The following PHF24 variants were observed in gnomAD, a reference collection of about 807,000 sequenced individuals.
PHF24 encodes the protein PHD finger protein 24, also known as Galpha inhibitory interacting protein.
In PHF24, 25 loss-of-function variants were observed where a neutral mutation model predicts 42.6. That is an observed-to-expected ratio of 0.59 (90% confidence interval 0.43 to 0.82). PHF24 has a LOEUF of 0.82. Among genes scored for constraint, PHF24 ranks in the 40% least tolerant of loss-of-function variants. The probability of loss-of-function intolerance (pLI) is 0.00; values close to 1 mark genes in which losing one functional copy is unlikely to be tolerated. For missense variants in PHF24, 470 were observed against 538.1 expected, an observed-to-expected ratio of 0.87 and a Z score of 1.25; for synonymous variants, 185 against 204.8, an observed-to-expected ratio of 0.90 and a Z score of 0.83.
chr9:34,971,096 TTAAA>T lies in PHF24; in HGVS notation c.-4-182_-4-179del, dbSNP rs557222515. Among the ~76,000 whole-genome samples the T allele has an allele frequency of 1.6e-3, 244 of 151,884 alleles. 3 individuals carry two copies. Among genetic ancestry groups the T allele is most frequent in the Non-Finnish European group, 3.1e-4 (21 of 67,936 alleles). On this transcript the variant is annotated intron_variant, in intron 1 of 7. Coordinates refer to ENST00000242315, the Ensembl canonical transcript of PHF24. ...TAAGACCTCATCTCTAATAAATAAATTAAATAAATAAATAAATAAAATTTAGGAA... is the reference window on the plus strand; with the variant it reads ...TAAGACCTCATCTCTAATAAATAAATTAAATAAATAAATAAAATTTAGGAA...
chr9:34,795,121 T>C, the PHF24 span, among the ~76,000 whole-genome samples: 1 of 152,244 alleles, frequency 6.6e-6, no homozygotes, highest in Non-Finnish European at 1.5e-5. Context: ...AAGATTTCAA[T>C]GATTGCAGTT....
chr9:34,966,589 C>G lies in PHF24; in HGVS notation c.-4-4706C>G, dbSNP rs367754337. On this transcript the variant is annotated intron_variant, in intron 1 of 7. Coordinates refer to ENST00000242315, the Ensembl canonical transcript of PHF24. ...TGGGTAATATGGCGAGACCCCCCCC[C>G]TCGCCCCATCTCAAAATAAATAATT... 1.0e-3 allele frequency among the ~76,000 whole-genome samples: 153 copies of G among 152,044 alleles called. 3 individuals carry two copies. Among genetic ancestry groups the G allele is most frequent in the Non-Finnish European group, 1.6e-3 (111 of 67,948 alleles).
chr9:34,918,572 A>T, the PHF24 span, among the ~76,000 whole-genome samples: 5 of 152,218 alleles, frequency 3.3e-5, no homozygotes, highest in Non-Finnish European at 5.9e-5. Flanking sequence ...TTAAGATATT[A>T]GTTAAGAATT....
chr9:34,834,822 G>A, the PHF24 span: 1 of 1,540,370 alleles, frequency 6.5e-7, no homozygotes, highest in Non-Finnish European at 8.7e-7. Context: ...TTTGGCGAAA[G>A]TGGGGAAGAG....
chr9:34,835,288 A>T, the PHF24 span: 1 of 1,551,884 alleles, frequency 6.4e-7, no homozygotes, highest in Admixed American at 2.0e-5. Context: ...TCAGGTTGAA[A>T]GAAACTGGCT....
the PHF24 span, chr9:34,893,223 G>A: frequency 4.2e-5 from 19 of 457,410 alleles, no homozygotes; most frequent in Admixed American, 4.3e-4. Flanking sequence ...GTGGGCCGGG[G>A]TTGGCATTGT....
At chr9:34,948,275 C>G in the PHF24 span, among the ~76,000 whole-genome samples, 1 of 152,042 alleles carries the variant, frequency 6.6e-6, no homozygotes, top group Admixed American at 6.5e-5. Flanking sequence ...TAAAAAGTTA[C>G]AGTAAGCTAA....
chr9:34,723,343 G>A, the PHF24 span: 1 of 1,551,580 alleles, frequency 6.4e-7, no homozygotes, highest in African/African-American at 1.4e-5. Flanking sequence ...AGTGTAGCCG[G>A]AGCTTATCGT....
chr9:34,667,234 G>A, the PHF24 span, among the ~76,000 whole-genome samples: 1 of 152,118 alleles, frequency 6.6e-6, no homozygotes, highest in African/African-American at 2.4e-5. Flanking sequence ...TGTATAGGAG[G>A]GAGTGACCAG....
chr9:34,883,021 G>A, the PHF24 span, among the ~76,000 whole-genome samples: 1 of 152,158 alleles, frequency 6.6e-6, no homozygotes, highest in Non-Finnish European at 1.5e-5. Context: ...CAGAGATATA[G>A]ATCAATGGAA....
chr9:34,862,896 G>C, the PHF24 span, among the ~76,000 whole-genome samples: 1 of 151,926 alleles, frequency 6.6e-6, no homozygotes, highest in Admixed American at 6.6e-5. Flanking sequence ...GACCTGCCCT[G>C]GGCCAGAAGG....
chr9:34,725,947 C>T, the PHF24 span: 16 of 1,549,828 alleles, frequency 1.0e-5, no homozygotes, highest in Non-Finnish European at 1.4e-5. Flanking sequence ...CACAGAATAG[C>T]TGGCTGTATT....
the PHF24 span, among the ~76,000 whole-genome samples, chr9:34,871,920 G>C: frequency 2.0e-5 from 3 of 152,276 alleles, no homozygotes; most frequent in East Asian, 3.9e-4. Flanking sequence ...CCATAAAATA[G>C]CTGCTGGAAT....
chr9:34,945,301 C>T, the PHF24 span, among the ~76,000 whole-genome samples: 3 of 152,150 alleles, frequency 2.0e-5, no homozygotes, highest in Admixed American at 2.0e-4. Flanking sequence ...GTTAGGTCAT[C>T]AAATGGGAAG....
chr9:34,969,417 G>A (rs1052984148), intron 1 of PHF24, among the ~76,000 whole-genome samples: 8 of 151,570 alleles, frequency 5.3e-5, no homozygotes, highest in Non-Finnish European at 1.0e-4. Context: ...CGAGGTGGGC[G>A]GATCATGAGG....
chr9:34,708,995 G>A, the PHF24 span: 10 of 198,826 alleles, frequency 5.0e-5, no homozygotes, highest in Non-Finnish European at 6.0e-5. Context: ...AAACACATGG[G>A]AACAGGTACT....
the PHF24 span, chr9:34,690,131 G>A: frequency 6.3e-7 from 1 of 1,592,668 alleles, no homozygotes; most frequent in Admixed American, 1.7e-5. Flanking sequence ...GCTTGGCATG[G>A]AGAAGGGGAA....
At chr9:34,910,187 A>G in the PHF24 span, among the ~76,000 whole-genome samples, 3 of 152,206 alleles carry the variant, frequency 2.0e-5, no homozygotes, top group Admixed American at 6.5e-5. Context: ...AAGAAGGAAT[A>G]TAATTAGTCT....
At chr9:34,728,880 C>A in the PHF24 span, among the ~76,000 whole-genome samples, 13 of 152,304 alleles carry the variant, frequency 8.5e-5, no homozygotes, top group East Asian at 2.5e-3. Context: ...TACCTCCCAT[C>A]TGATTCACAG....
Sources: gnomAD v4.1 joint callset for allele counts (sites outside exome capture counted in the v4.1 genomes callset) on GRCh38, gnomAD v4.1.1 for gene constraint, MANE v1.5 for transcripts, NCBI Gene and HGNC (gene_info 2026-07-23, HGNC 2026-07-21) for gene names.